The following MAP3K20 variants were observed in gnomAD, a reference collection of about 807,000 sequenced individuals.
MAP3K20 encodes the protein mitogen-activated protein kinase kinase kinase 20, also known as HCCS-4.
Under a neutral mutation model 85.7 loss-of-function variants are expected in MAP3K20, and 40 were observed. The ratio of observed to expected loss-of-function variants is 0.47; its 90% confidence interval spans 0.36 to 0.61. The LOEUF (loss-of-function observed/expected upper bound fraction) is 0.61. MAP3K20 is among the 20% of genes least tolerant of loss of function. The pLI, the probability that MAP3K20 is intolerant of heterozygous loss-of-function variation, is 0.00. For missense variants in MAP3K20, 817 were observed against 961.7 expected (o/e 0.85, Z 1.99); for synonymous variants, 325 against 327.7 (o/e 0.99, Z 0.09).
At chr2:173,081,577 C>T (rs897506650) in intron 1 of MAP3K20, among the ~76,000 whole-genome samples, 9 of 152,052 alleles carry the variant, frequency 5.9e-5, no homozygotes, top group African/African-American at 1.7e-4. Flanking sequence ...GGTGGTTATA[C>T]GATGGCTTTC....
At chr2:173,082,355 C>T (rs1338258395) in intron 1 of MAP3K20, among the ~76,000 whole-genome samples, 1 of 152,130 alleles carries the variant, frequency 6.6e-6, no homozygotes, top group African/African-American at 2.4e-5. Context: ...CTTAGTCTTC[C>T]CTAGTTTTAC....
intron 8 of MAP3K20, 88 bp from the exon 9 acceptor site, chr2:173,203,708 C>CT (rs1574105866): frequency 3.0e-6 from 3 of 1,014,072 alleles, no homozygotes; most frequent in Non-Finnish European, 4.6e-6. Context: ...TAAAATAACT[C>CT]TATTATGACC....
At chr2:173,225,763 T>C in intron 11 of MAP3K20, 1 of 985,362 alleles carries the variant, frequency 1.0e-6, no homozygotes, top group Non-Finnish European at 1.2e-6. Context: ...GCATACGACC[T>C]GAATTTTGTG....
chr2:173,194,111 AG>A (rs1690747941), intron 7 of MAP3K20, among the ~76,000 whole-genome samples: 1 of 152,202 alleles, frequency 6.6e-6, no homozygotes, highest in Non-Finnish European at 1.5e-5. Context: ...ATTTTAAAAC[AG>A]CTTCTGCTGT....
chr2:173,088,800 C>T (rs554623905), intron 1 of MAP3K20, among the ~76,000 whole-genome samples: 7 of 152,122 alleles, frequency 4.6e-5, no homozygotes, highest in Non-Finnish European at 1.0e-4. Flanking sequence ...AAATTTTGTT[C>T]TTTTCCATGT....
chr2:173,172,265 T>G (rs1690019814), intron 3 of MAP3K20, among the ~76,000 whole-genome samples: 1 of 151,904 alleles, frequency 6.6e-6, no homozygotes, highest in Non-Finnish European at 1.5e-5. Context: ...CTTATCATAT[T>G]TATCAAATAG....
intron 14 of MAP3K20, among the ~76,000 whole-genome samples, chr2:173,237,205 T>G (rs890906467): frequency 1.7e-4 from 26 of 151,934 alleles, no homozygotes; most frequent in Admixed American, 4.6e-4. Context: ...ATTTTTGTAT[T>G]TTTAGTAGAG....
intron 2 of MAP3K20, among the ~76,000 whole-genome samples, chr2:173,136,687 C>T (rs1309385128): frequency 4.6e-5 from 7 of 152,156 alleles, no homozygotes; most frequent in Non-Finnish European, 8.8e-5. Context: ...TCACAGAGTG[C>T]CTTTGATAGG....
chr2:173,172,805 CTT>C (rs202047858), intron 3 of MAP3K20, among the ~76,000 whole-genome samples: 2 of 145,072 alleles, frequency 1.4e-5, no homozygotes, highest in Non-Finnish European at 1.5e-5. Flanking sequence ...CTTTTCTTTT[CTT>C]TTTTTTTTTT....
At chr2:173,210,208 C>A (rs1233324816) in intron 10 of MAP3K20, 4 of 215,016 alleles carry the variant, frequency 1.9e-5, no homozygotes, top group Non-Finnish European at 3.8e-5. Flanking sequence ...AAAAAATTAG[C>A]CAGGTGTGGT....
chr2:173,230,852 C>G (rs1370768780), intron 12 of MAP3K20, among the ~76,000 whole-genome samples: 1 of 152,056 alleles, frequency 6.6e-6, no homozygotes, highest in African/African-American at 2.4e-5. Flanking sequence ...AAAAATCAGC[C>G]AGGTGTGGTG....
chr2:173,179,391 C>CA (rs56111907), intron 3 of MAP3K20, among the ~76,000 whole-genome samples: 80,676 of 129,304 alleles, frequency 0.62, 25,507 homozygotes, highest in East Asian at 0.85. Flanking sequence ...GACTCCATCT[C>CA]AAAAAAAAAA....
chr2:173,261,197 C>A, intron 18 of MAP3K20, 60 bp downstream of exon 18: 1 of 1,547,110 alleles, frequency 6.5e-7, no homozygotes. Context: ...ATAAATTTAT[C>A]TGTTATCTCA....
intron 1 of MAP3K20, among the ~76,000 whole-genome samples, chr2:173,089,530 T>A (rs892126694): frequency 9.8e-5 from 15 of 152,324 alleles, no homozygotes; most frequent in African/African-American, 3.6e-4. Flanking sequence ...TAATATTTTC[T>A]ATAGATTTTT....
At chr2:173,192,985 G>C (rs776786075) in intron 7 of MAP3K20, 3 of 152,026 alleles carry the variant, frequency 2.0e-5, no homozygotes, top group Non-Finnish European at 2.9e-5. Context: ...TTGGCTTTTT[G>C]TTTCTTACAA....
chr2:173,238,186 A>C (rs1684696956), intron 14 of MAP3K20, among the ~76,000 whole-genome samples, 187 bp from the exon 15 acceptor site: 1 of 152,164 alleles, frequency 6.6e-6, no homozygotes, highest in Non-Finnish European at 1.5e-5. Flanking sequence ...CTGGTCCTTT[A>C]AATAATTACA....
chr2:173,200,986 GCT>G (rs1187474485), intron 8 of MAP3K20, among the ~76,000 whole-genome samples: 1 of 152,108 alleles, frequency 6.6e-6, no homozygotes, highest in Non-Finnish European at 1.5e-5. Flanking sequence ...TCTTCACCCA[GCT>G]TCCCTCACTG....
chr2:173,091,337 G>T, intron 2 of MAP3K20, 147 bp downstream of exon 2: 1 of 751,822 alleles, frequency 1.3e-6, no homozygotes. Flanking sequence ...TTCCATTCTG[G>T]GAGCCCCATA....
At chr2:173,197,814 T>C (rs1456258392) in intron 7 of MAP3K20, 1 of 259,872 alleles carries the variant, frequency 3.8e-6, no homozygotes, top group Admixed American at 5.2e-5. Flanking sequence ...TGTCCTAATT[T>C]CTAAACCAGG....
Sources: gnomAD v4.1 joint callset for allele counts (sites outside exome capture counted in the v4.1 genomes callset) on GRCh38, gnomAD v4.1.1 for gene constraint, MANE v1.5 for transcripts, NCBI Gene and HGNC (gene_info 2026-07-23, HGNC 2026-07-21) for gene names.